Variants in APBA1 observed in about 807,000 individuals in gnomAD.
APBA1 encodes the protein amyloid beta precursor protein binding family A member 1, also known as amyloid-beta A4 precursor protein-binding family A member 1.
Under a neutral mutation model 86.6 loss-of-function variants are expected in APBA1, and 55 were observed. The ratio of observed to expected loss-of-function variants is 0.64; its 90% CI spans 0.51 to 0.80. APBA1 has a LOEUF of 0.80. Ranked by LOEUF, APBA1 falls within the 30% of genes least tolerant of loss-of-function variation. The pLI, the probability that APBA1 is intolerant of heterozygous loss-of-function variation, is 0.00. For missense variants in APBA1, 1,090 were observed against 1,183.0 expected, an observed-to-expected ratio of 0.92 and a Z score of 1.15; for synonymous variants, 511 against 493.9, an observed-to-expected ratio of 1.03 and a Z score of -0.46.
chr9:69,611,292 A>C (rs796153137), intron 1 of APBA1, among the ~76,000 whole-genome samples: 1 of 150,944 alleles, frequency 6.6e-6, no homozygotes, highest in African/African-American at 2.4e-5. Context: ...AAGGAAAAAA[A>C]AAAAAAAAAA....
intron 5 of APBA1, among the ~76,000 whole-genome samples, chr9:69,466,585 G>A (rs1221475690): frequency 6.6e-6 from 1 of 152,204 alleles, no homozygotes; most frequent in Non-Finnish European, 1.5e-5. Flanking sequence ...TCCCTGGCTT[G>A]CTTTGTCATT....
At chr9:69,582,730 T>C (rs926785747) in intron 1 of APBA1, among the ~76,000 whole-genome samples, 2 of 152,160 alleles carry the variant, frequency 1.3e-5, no homozygotes, top group Admixed American at 6.5e-5. Flanking sequence ...CTCCTTCTAA[T>C]GGGGACTTAT....
At chr9:69,458,082 T>C (rs181662055) in intron 6 of APBA1, 74 bp downstream of exon 6, 358 of 1,417,280 alleles carry the variant, frequency 2.5e-4, no homozygotes, top group Admixed American at 7.3e-4. Flanking sequence ...AACACGAAAA[T>C]ATAAAAAGGT....
chr9:69,632,635 T>A (rs1823071435), intron 1 of APBA1, among the ~76,000 whole-genome samples: 2 of 152,180 alleles, frequency 1.3e-5, no homozygotes, highest in Non-Finnish European at 2.9e-5. Context: ...ACAACAATAA[T>A]GACCACTACT....
chr9:69,611,055 G>A (rs1375378049), intron 1 of APBA1, among the ~76,000 whole-genome samples: 2 of 150,674 alleles, frequency 1.3e-5, no homozygotes, highest in African/African-American at 4.9e-5. Context: ...GTTTTTTGTT[G>A]TTGTTGTTTT....
chr9:69,435,205 T>C (rs945187008), intron 11 of APBA1, among the ~76,000 whole-genome samples: 10 of 152,184 alleles, frequency 6.6e-5, no homozygotes, highest in African/African-American at 2.4e-4. Context: ...TGTTGGACAT[T>C]TGGGTTGGTT....
At chr9:69,526,168 A>T (rs1836339193) in intron 1 of APBA1, among the ~76,000 whole-genome samples, 1 of 152,172 alleles carries the variant, frequency 6.6e-6, no homozygotes, top group African/African-American at 2.4e-5. Context: ...CTTGGGAAAG[A>T]ATTTATGATG....
chr9:69,632,509 ATAT>A (rs898245656), intron 1 of APBA1, among the ~76,000 whole-genome samples: 5 of 152,170 alleles, frequency 3.3e-5, no homozygotes, highest in African/African-American at 1.2e-4. Context: ...CAACTATATA[ATAT>A]GAGACTAATT....
chr9:69,568,282 AC>A (rs1296392660), intron 1 of APBA1, among the ~76,000 whole-genome samples: 3 of 152,190 alleles, frequency 2.0e-5, no homozygotes, highest in Admixed American at 1.3e-4. Context: ...GGTTGGGGGC[AC>A]TTCATGAAAG....
intron 12 of APBA1, among the ~76,000 whole-genome samples, chr9:69,432,127 C>T (rs1834611928): frequency 6.6e-6 from 1 of 152,270 alleles, no homozygotes; most frequent in African/African-American, 2.4e-5. Context: ...CGTCATGCCA[C>T]ACTGCACTGG....
At chr9:69,434,262 T>A (rs1433907270) in intron 11 of APBA1, among the ~76,000 whole-genome samples, 1 of 152,072 alleles carries the variant, frequency 6.6e-6, no homozygotes, top group Non-Finnish European at 1.5e-5. Context: ...ACTCTCAAGC[T>A]GGCAGCCGGG....
intron 1 of APBA1, among the ~76,000 whole-genome samples, chr9:69,595,927 T>C (rs981518367): frequency 1.3e-5 from 2 of 152,176 alleles, no homozygotes; most frequent in Non-Finnish European, 2.9e-5. Flanking sequence ...AGTGAGACTC[T>C]AGACACCCCC....
intron 3 of APBA1, among the ~76,000 whole-genome samples, chr9:69,474,843 T>G (rs2133837248): frequency 6.6e-6 from 1 of 152,296 alleles, no homozygotes; most frequent in South Asian, 2.1e-4. Flanking sequence ...AAGGGTAAAT[T>G]TTAACTAAGA....
At chr9:69,625,943 C>CA (rs34789066) in intron 1 of APBA1, among the ~76,000 whole-genome samples, 1 of 152,024 alleles carries the variant, frequency 6.6e-6, no homozygotes, top group South Asian at 2.1e-4. Flanking sequence ...CCTGATGGTC[C>CA]AAAAAGGCTT....
At chr9:69,548,183 T>C (rs1415801498) in intron 1 of APBA1, among the ~76,000 whole-genome samples, 1 of 152,088 alleles carries the variant, frequency 6.6e-6, no homozygotes, top group East Asian at 1.9e-4. Context: ...GAAAGGAACA[T>C]AAACCAAGCA....
chr9:69,588,417 C>T (rs1263459726), intron 1 of APBA1, among the ~76,000 whole-genome samples: 1 of 150,014 alleles, frequency 6.7e-6, no homozygotes, highest in Non-Finnish European at 1.5e-5. Flanking sequence ...TAAGAAGCAG[C>T]AAAGACAAAA....
chr9:69,467,035 C>T (rs1835290727), intron 5 of APBA1, among the ~76,000 whole-genome samples: 1 of 152,220 alleles, frequency 6.6e-6, no homozygotes, highest in South Asian at 2.1e-4. Context: ...GCTGGTGGCA[C>T]AATGGCATGT....
At chr9:69,529,987 T>C (rs539215454) in intron 1 of APBA1, among the ~76,000 whole-genome samples, 1 of 152,136 alleles carries the variant, frequency 6.6e-6, no homozygotes, top group East Asian at 1.9e-4. Flanking sequence ...AGAATGGCTA[T>C]CATTAAGTCA....
intron 1 of APBA1, among the ~76,000 whole-genome samples, chr9:69,548,848 G>C (rs1212233896): frequency 6.6e-6 from 1 of 152,232 alleles, no homozygotes; most frequent in Non-Finnish European, 1.5e-5. Flanking sequence ...TTCTCTTTGA[G>C]GCAAACAAGT....
Sources: gnomAD v4.1 joint callset for allele counts (sites outside exome capture counted in the v4.1 genomes callset) on GRCh38, gnomAD v4.1.1 for gene constraint, MANE v1.5 for transcripts, NCBI Gene and HGNC (gene_info 2026-07-23, HGNC 2026-07-21) for gene names.